The following DTNA variants were observed in gnomAD, a reference collection of about 807,000 sequenced individuals.
DTNA encodes the protein dystrophin-related protein 3.
A neutral mutation model predicts 100.7 loss-of-function variants in DTNA; 43 were observed. The ratio of observed to expected loss-of-function variants is 0.43; its 90% CI spans 0.33 to 0.55. The LOEUF is 0.55. Among genes scored for constraint, DTNA ranks in the 20% least tolerant of loss-of-function variants. The pLI, the probability that DTNA is intolerant of heterozygous loss-of-function variation, is 0.04. For synonymous variants in DTNA, 349 were observed against 347.9 expected (o/e 1.00, Z -0.04); for missense variants, 798 against 953.9 (o/e 0.84, Z 2.15).
At chr18:34,680,122 T>C (rs2077892701) in intron 1 of DTNA, among the ~76,000 whole-genome samples, 1 of 152,068 alleles carries the variant, frequency 6.6e-6, no homozygotes, top group South Asian at 2.1e-4. Flanking sequence ...GAATTAAAAG[T>C]AGGGCATGGT....
intron 1 of DTNA, among the ~76,000 whole-genome samples, chr18:34,672,612 C>T (rs2076905795): frequency 6.6e-6 from 1 of 152,162 alleles, no homozygotes; most frequent in African/African-American, 2.4e-5. Context: ...ACTGATGTCT[C>T]ATATCTTCAT....
At chr18:34,592,871 T>G (rs1260429812) in intron 1 of DTNA, among the ~76,000 whole-genome samples, 1 of 152,224 alleles carries the variant, frequency 6.6e-6, no homozygotes, top group Non-Finnish European at 1.5e-5. Context: ...ATATTTTTAA[T>G]GCCCTCCTCA....
At chr18:34,857,220 A>G (rs1181262198) in intron 15 of DTNA, among the ~76,000 whole-genome samples, 1 of 152,246 alleles carries the variant, frequency 6.6e-6, no homozygotes, top group Non-Finnish European at 1.5e-5. Flanking sequence ...TTACAGTTCC[A>G]TCTTCTCACC....
At chr18:34,795,565 G>T (rs2149067138) in intron 4 of DTNA, among the ~76,000 whole-genome samples, 1 of 152,284 alleles carries the variant, frequency 6.6e-6, no homozygotes, top group African/African-American at 2.4e-5. Flanking sequence ...ACCTGGCCAT[G>T]GCATTTCTGT....
chr18:34,594,318 C>G (rs1048779337), intron 1 of DTNA, among the ~76,000 whole-genome samples: 4 of 152,148 alleles, frequency 2.6e-5, no homozygotes, highest in African/African-American at 9.7e-5. Context: ...ATGTTTTGCC[C>G]ATGTATAGGT....
At chr18:34,866,301 A>G (rs2096703546) in intron 17 of DTNA, 1 of 1,498,900 alleles carries the variant, frequency 6.7e-7, no homozygotes, top group Non-Finnish European at 8.9e-7. Context: ...GAGATATATA[A>G]ATTTAGCATT....
intron 9 of DTNA, among the ~76,000 whole-genome samples, chr18:34,825,611 C>A (rs564162354): frequency 2.6e-5 from 4 of 152,260 alleles, no homozygotes; most frequent in Admixed American, 1.3e-4. Flanking sequence ...TGAAAACCAT[C>A]ATTTGGTGCC....
rs114947553 is a variant in DTNA, at chr18:34,769,187, A to G, written c.148+3146A>G. Among the ~76,000 whole-genome samples, 977 of 152,322 alleles carry G rather than the reference A, an allele frequency of 6.4e-3. 4 individuals are homozygous for G. The highest frequency in any genetic ancestry group is 0.023 in the African/African-American group (937 of 41,574). ...ATCAGAGGCATTAAATGCAAGTACT[A>G]TATGTCTTTGCAAAGTTTTCCTTTC... On this transcript the variant is annotated intron_variant, in intron 3 of 22. Transcript: ENST00000444659.
intron 1 of DTNA, among the ~76,000 whole-genome samples, chr18:34,689,822 T>A (rs1568228267): frequency 6.6e-6 from 1 of 152,194 alleles, no homozygotes; most frequent in Non-Finnish European, 1.5e-5. Context: ...GGCTACTGCC[T>A]TTCTTTCAGA....
At chr18:34,748,277 T>G (rs1244867753) in intron 1 of DTNA, among the ~76,000 whole-genome samples, 1 of 152,188 alleles carries the variant, frequency 6.6e-6, no homozygotes, top group African/African-American at 2.4e-5. Context: ...TTCTGCTGAT[T>G]ATTTCTTTTG....
At chr18:34,884,702 T>A in intron 21 of DTNA, 26 bp from the exon 22 acceptor site, 1 of 1,614,076 alleles carries the variant, frequency 6.2e-7, no homozygotes, top group East Asian at 2.2e-5. Flanking sequence ...GTCACCTTTC[T>A]CGTTTGTGTC....
At chr18:34,695,584 C>G (rs187176322) in intron 1 of DTNA, among the ~76,000 whole-genome samples, 1 of 152,164 alleles carries the variant, frequency 6.6e-6, no homozygotes, top group Non-Finnish European at 1.5e-5. Context: ...GTCACCCAAG[C>G]CTTAATTCTG....
At chr18:34,663,305 A>G (rs922204452) in intron 1 of DTNA, among the ~76,000 whole-genome samples, 1 of 152,078 alleles carries the variant, frequency 6.6e-6, no homozygotes, top group Admixed American at 6.6e-5. Flanking sequence ...ATACAGGTGC[A>G]TGCCACCACG....
chr18:34,761,901 A>G (rs2093195893), intron 2 of DTNA, among the ~76,000 whole-genome samples: 1 of 152,158 alleles, frequency 6.6e-6, no homozygotes, highest in African/African-American at 2.4e-5. Context: ...TCAGAAAACA[A>G]CCACTATCCA....
intron 1 of DTNA, among the ~76,000 whole-genome samples, chr18:34,497,667 C>G (rs1421697300): frequency 6.6e-6 from 1 of 151,240 alleles, no homozygotes; most frequent in East Asian, 1.9e-4. Flanking sequence ...ACCCCCTAAT[C>G]TGATATTTCC....
At chr18:34,840,904 A>G (rs1040566141) in intron 13 of DTNA, among the ~76,000 whole-genome samples, 4 of 152,036 alleles carry the variant, frequency 2.6e-5, no homozygotes, top group African/African-American at 4.8e-5. Flanking sequence ...TCATGGTTCT[A>G]TAAGTAATGT....
intron 1 of DTNA, among the ~76,000 whole-genome samples, chr18:34,605,824 G>A (rs2052972452): frequency 6.6e-6 from 1 of 152,142 alleles, no homozygotes. Context: ...AATGGCTGCA[G>A]TACAAATAAT....
At chr18:34,664,669 C>T (rs893117625) in intron 1 of DTNA, among the ~76,000 whole-genome samples, 7 of 152,112 alleles carry the variant, frequency 4.6e-5, no homozygotes, top group Admixed American at 4.6e-4. Context: ...CAAACTTGCT[C>T]TATCACAGAG....
At chr18:34,856,988 G>A (rs1422524547) in intron 15 of DTNA, among the ~76,000 whole-genome samples, 2 of 152,164 alleles carry the variant, frequency 1.3e-5, no homozygotes, top group African/African-American at 2.4e-5. Flanking sequence ...TGATTTTCAG[G>A]CTGAGCTTTA....
Sources: allele counts gnomAD v4.1 joint callset (sites outside exome capture counted in the v4.1 genomes callset), GRCh38; gene constraint gnomAD v4.1.1; transcripts MANE v1.5; gene names NCBI Gene and HGNC (gene_info 2026-07-23, HGNC 2026-07-21).